The following PTPDC1 variants were observed in gnomAD, a reference collection of about 807,000 sequenced individuals.
PTPDC1 encodes protein tyrosine phosphatase domain-containing protein 1.
In PTPDC1, 53 loss-of-function variants were observed where a neutral mutation model predicts 75.3. The ratio of observed to expected loss-of-function variants is 0.70; its 90% CI spans 0.56 to 0.88. The LOEUF is 0.88. PTPDC1 is among the 40% of genes least tolerant of loss of function. The probability of loss-of-function intolerance (pLI) is 0.00; values close to 1 mark genes in which losing one functional copy is unlikely to be tolerated. For synonymous variants in PTPDC1, 349 were observed against 366.2 expected, an observed-to-expected ratio of 0.95 and a Z score of 0.54; for missense variants, 925 against 998.6, an observed-to-expected ratio of 0.93 and a Z score of 0.99.
chr9:94,046,509 C>T (rs1825604611), intron 1 of PTPDC1, among the ~76,000 whole-genome samples: 1 of 152,180 alleles, frequency 6.6e-6, no homozygotes, highest in African/African-American at 2.4e-5. Context: ...TTTGTATCCT[C>T]TTTTATTTCC....
At chr9:94,085,519 A>G (rs897048049) in intron 2 of PTPDC1, 97 bp downstream of exon 2, 4 of 1,350,138 alleles carry the variant, frequency 3.0e-6, no homozygotes, top group Non-Finnish European at 4.1e-6. Context: ...GCAGTGTGGG[A>G]CTTTGAAGTC....
intron 2 of PTPDC1, among the ~76,000 whole-genome samples, chr9:94,086,762 T>C (rs1029993618): frequency 2.0e-5 from 3 of 152,222 alleles, no homozygotes; most frequent in African/African-American, 7.2e-5. Flanking sequence ...TTTATCTTCA[T>C]AAAACTCTTG....
chr9:94,105,323 C>A (rs180772477), intron 8 of PTPDC1, among the ~76,000 whole-genome samples: 1 of 152,298 alleles, frequency 6.6e-6, no homozygotes, highest in South Asian at 2.1e-4. Context: ...TTTACACTTT[C>A]ATAGACTGAG....
At chr9:94,054,566 C>G (rs1474332526) in intron 1 of PTPDC1, among the ~76,000 whole-genome samples, 1 of 152,104 alleles carries the variant, frequency 6.6e-6, no homozygotes, top group African/African-American at 2.4e-5. Flanking sequence ...GGCCACGTTC[C>G]TGATATTTGT....
chr9:94,037,049 T>C (rs1275566285), intron 1 of PTPDC1, among the ~76,000 whole-genome samples: 5 of 152,252 alleles, frequency 3.3e-5, no homozygotes, highest in Non-Finnish European at 7.3e-5. Flanking sequence ...GGCCAAATTT[T>C]ATATGCTTAA....
chr9:94,098,623 T>G (rs1224803262), intron 6 of PTPDC1, 44 bp downstream of exon 6: 2 of 1,486,708 alleles, frequency 1.3e-6, no homozygotes, highest in African/African-American at 1.4e-5. Context: ...TGGGAAATAT[T>G]TATGTCAGGG....
chr9:94,049,856 C>T (rs117258768), intron 1 of PTPDC1, among the ~76,000 whole-genome samples: 11,568 of 152,230 alleles, frequency 0.076, 592 homozygotes, highest in East Asian at 0.14. Context: ...TGCACTAATC[C>T]GATGTAGATT....
At position 94,087,856 on chromosome 9, in the gene PTPDC1, G is replaced by A. The variant is rs1827133545; in HGVS notation, c.442G>A (p.Ala148Thr). ...SWVTDNILAM[A>T]RPSSELLEKY... ...GGTCACTGATAATATACTGGCCATG[G>A]CCCGCCCATCCTCTGAGCTCCTGGA... is the stretch of plus-strand genomic sequence containing the variant. Residue 148 changes from alanine (A) to threonine (T), a missense_variant, in exon 3 of 9, where the codon GCC (alanine) becomes ACC (threonine). By Grantham distance (58) the Ala-to-Thr change is moderately conservative. Coordinates refer to ENST00000620992, the MANE Select transcript of PTPDC1 (RefSeq NM_001253829.2). The A allele has an allele frequency of 6.2e-7, 1 of 1,613,800 alleles. No individual in the cohort carries two copies. The highest frequency in any genetic ancestry group is 1.3e-5 in the African/African-American group (1 of 74,996).
chr9:94,098,364 C>T lies in PTPDC1; in HGVS notation c.1798C>T (p.Arg600Ter), dbSNP rs923336102. 6.2e-6 allele frequency: 10 copies of T among 1,614,074 alleles called. No homozygotes were observed. The highest frequency in any genetic ancestry group is 1.3e-5 in the African/African-American group (1 of 74,926). The change falls in exon 6 of 9, where the codon CGA becomes TGA. Residue 600 changes from arginine (R) to a stop codon, truncating the protein, a stop_gained. Transcript: ENST00000620992. LOFTEE classifies it high-confidence loss of function. ...GSVRQNSRTP[R>*]SPLDCGSSPK... Reference sequence around the variant, plus strand: ...TGTCAGGCAGAACAGCAGGACACCCCGAAGCCCTCTGGACTGTGGCTCCAG... The same window carrying T: ...TGTCAGGCAGAACAGCAGGACACCCTGAAGCCCTCTGGACTGTGGCTCCAG...
chr9:94,043,120 GCTT>G (rs1825481090), intron 1 of PTPDC1, among the ~76,000 whole-genome samples: 1 of 152,178 alleles, frequency 6.6e-6, no homozygotes, highest in Non-Finnish European at 1.5e-5. Context: ...GCTGGAATCA[GCTT>G]CTTCCTAACT....
At chr9:94,105,794 C>T (rs936562247) in intron 8 of PTPDC1, among the ~76,000 whole-genome samples, 2 of 151,562 alleles carry the variant, frequency 1.3e-5, no homozygotes, top group African/African-American at 4.9e-5. Context: ...TGGTGAAACC[C>T]CATCTCTACT....
At chr9:94,102,444 G>A (rs1037194760) in intron 7 of PTPDC1, among the ~76,000 whole-genome samples, 1 of 151,850 alleles carries the variant, frequency 6.6e-6, no homozygotes, top group Non-Finnish European at 1.5e-5. Flanking sequence ...GTCACCTTTA[G>A]GAAAAGATAT....
At chr9:94,087,473 A>G (rs1433766771) in intron 2 of PTPDC1, among the ~76,000 whole-genome samples, 1 of 152,244 alleles carries the variant, frequency 6.6e-6, no homozygotes, top group Non-Finnish European at 1.5e-5. Context: ...TACCTTTTGT[A>G]CAAGAAAAAG....
chr9:94,079,492 T>G (rs1032848410), upstream of PTPDC1, among the ~76,000 whole-genome samples: 2 of 152,214 alleles, frequency 1.3e-5, no homozygotes, highest in Non-Finnish European at 2.9e-5. Context: ...GAGGTCAGTC[T>G]TGAGGTTTGA....
intron 1 of PTPDC1, chr9:94,064,716 T>C (rs1356419773): frequency 6.3e-7 from 1 of 1,596,526 alleles, no homozygotes; most frequent in Non-Finnish European, 8.6e-7. Context: ...TTTCAAAAAA[T>C]AATTTTTTTT....
chr9:94,082,890 C>T (rs1175197694), upstream of PTPDC1, among the ~76,000 whole-genome samples: 1 of 152,102 alleles, frequency 6.6e-6, no homozygotes, highest in Non-Finnish European at 1.5e-5. Flanking sequence ...AAGTCCTACC[C>T]CTACCCCTTA....
At chr9:94,095,249 T>TCCGTA in intron 4 of PTPDC1, 68 bp from the exon 5 acceptor site, 1 of 1,046,396 alleles carries the variant, frequency 9.6e-7, no homozygotes, top group Non-Finnish European at 1.3e-6. Context: ...CTGTGTACTT[T>TCCGTA]TCATTAGTGT....
At chr9:94,106,039 A>C (rs1374021928) in intron 8 of PTPDC1, among the ~76,000 whole-genome samples, 1 of 152,170 alleles carries the variant, frequency 6.6e-6, no homozygotes, top group Non-Finnish European at 1.5e-5. Flanking sequence ...CAAAGGGGAT[A>C]GATAATATAG....
intron 6 of PTPDC1, 128 bp from the exon 7 acceptor site, chr9:94,101,438 T>C: frequency 1.6e-6 from 1 of 641,246 alleles, no homozygotes; most frequent in South Asian, 2.3e-5. Context: ...GTCCCAGTTC[T>C]GCACTCTGGA....
Sources: allele counts gnomAD v4.1 joint callset (sites outside exome capture counted in the v4.1 genomes callset), GRCh38; gene constraint gnomAD v4.1.1; transcripts MANE v1.5; gene names NCBI Gene and HGNC (gene_info 2026-07-23, HGNC 2026-07-21).